UBA2: variants seen among roughly 807,000 people sequenced by gnomAD.
The protein encoded by UBA2 is SUMO-activating enzyme subunit 2.
In UBA2, 11 loss-of-function variants were observed where a neutral mutation model predicts 77.2. The ratio of observed to expected loss-of-function variants is 0.14; its 90% confidence interval spans 0.09 to 0.24. The LOEUF is 0.24. Ranked by LOEUF, UBA2 falls within the 10% of genes least tolerant of loss-of-function variation. The pLI, the probability that UBA2 is intolerant of heterozygous loss-of-function variation, is 1.00. For missense variants in UBA2, 487 were observed against 781.7 expected (o/e 0.62, Z 4.50); for synonymous variants, 278 against 276.7 (o/e 1.00, Z -0.05).
rs1176664885 is a variant in UBA2, at chr19:34,452,067, C to A, written c.958C>A (p.Arg320Ser). 1 of 1,610,862 alleles carries A rather than the reference C, an allele frequency of 6.2e-7. No individual in the cohort carries two copies. The highest frequency in any genetic ancestry group is 1.7e-5 in the Admixed American group (1 of 59,910). The change falls in exon 10 of 17, where the codon CGT (arginine) becomes AGT (serine). Residue 320 changes from arginine to serine, a missense_variant. Around this residue, in one of 9 missense-constraint regions of UBA2, gnomAD observed 300 missense variants for 454.3 expected, o/e 0.66. Coordinates refer to ENST00000246548, the MANE Select transcript of UBA2 (RefSeq NM_005499.3). ...QQVLDVKSYA[R>S]LFSKSIETLR... is the part of the protein sequence containing the mutation. The stretch of plus-strand genomic sequence containing the variant: ...GGTTCTAGATGTAAAGAGCTATGCA[C>A]GTCTTTTTTCAAAGAGCATCGAGAC...
At chr19:34,462,284 C>G (rs2075639984) in intron 14 of UBA2, among the ~76,000 whole-genome samples, 1 of 152,144 alleles carries the variant, frequency 6.6e-6, no homozygotes, top group Non-Finnish European at 1.5e-5. Flanking sequence ...TTTGCAAAGT[C>G]AGAACTTGGA....
chr19:34,457,124 T>A (rs183999753), intron 12 of UBA2, among the ~76,000 whole-genome samples: 8 of 137,984 alleles, frequency 5.8e-5, no homozygotes, highest in African/African-American at 2.2e-4. Context: ...AGATTGGAAG[T>A]TCGAGACTAG....
intron 8 of UBA2, among the ~76,000 whole-genome samples, chr19:34,449,149 A>G (rs1599912750): frequency 7.5e-6 from 1 of 132,944 alleles, no homozygotes; most frequent in African/African-American, 2.9e-5. Context: ...AGCTGACTGC[A>G]CTCTCCGCCT....
intron 12 of UBA2, among the ~76,000 whole-genome samples, chr19:34,456,644 A>G (rs1016692906): frequency 3.3e-5 from 5 of 151,116 alleles, no homozygotes; most frequent in Non-Finnish European, 7.4e-5. Flanking sequence ...TGCAACCTCC[A>G]CCTCCCAAGT....
intron 8 of UBA2, among the ~76,000 whole-genome samples, chr19:34,447,856 C>T (rs1271958917): frequency 6.6e-6 from 1 of 152,176 alleles, no homozygotes; most frequent in Non-Finnish European, 1.5e-5. Context: ...GAGCAGGTGA[C>T]ATTTAAGCCC....
At chr19:34,461,701 T>G (rs2075632869) in intron 14 of UBA2, among the ~76,000 whole-genome samples, 1 of 152,162 alleles carries the variant, frequency 6.6e-6, no homozygotes, top group African/African-American at 2.4e-5. Flanking sequence ...CAGGCATAGT[T>G]TTGGGTATTC....
At chr19:34,449,855 G>A (rs1473519239) in intron 8 of UBA2, among the ~76,000 whole-genome samples, 2 of 152,156 alleles carry the variant, frequency 1.3e-5, no homozygotes, top group East Asian at 3.9e-4. Flanking sequence ...GAGCTTGGAG[G>A]CATTGCTGAC....
intron 5 of UBA2, among the ~76,000 whole-genome samples, chr19:34,435,977 G>A (rs1568368599): frequency 2.0e-5 from 3 of 151,866 alleles, no homozygotes; most frequent in South Asian, 2.1e-4. Flanking sequence ...AAAAATCAGC[G>A]GGCGTGGTGG....
chr19:34,431,970 T>G, intron 3 of UBA2, 39 bp downstream of exon 3: 1 of 263,754 alleles, frequency 3.8e-6, no homozygotes. Flanking sequence ...TGTATAAGGG[T>G]TTTGTAAGCC....
chr19:34,430,467 C>T, intron 1 of UBA2, 109 bp from the exon 2 acceptor site: 2 of 662,472 alleles, frequency 3.0e-6, no homozygotes, highest in Admixed American at 5.5e-5. Context: ...ACGCTTTCTC[C>T]ACTAATGTAG....
intron 1 of UBA2, among the ~76,000 whole-genome samples, chr19:34,429,432 G>C (rs534126588): frequency 6.6e-6 from 1 of 152,280 alleles, no homozygotes; most frequent in African/African-American, 2.4e-5. Context: ...GGCCGACTGA[G>C]TCATTGTTTC....
chr19:34,463,567 G>C (rs935267653), intron 14 of UBA2, among the ~76,000 whole-genome samples: 2 of 104,346 alleles, frequency 1.9e-5, no homozygotes, highest in Non-Finnish European at 4.4e-5. Flanking sequence ...TCTCTGTCCA[G>C]ATTTTGGGAT....
rs561271100 is a variant in UBA2 at position 34,440,632 on chromosome 19, A to G, written c.581+1866A>G. Among the ~76,000 whole-genome samples, 32 of 152,238 alleles carry G rather than the reference A, an allele frequency of 2.1e-4. No individual in the cohort carries two copies. The South Asian group carries it at 6.4e-3, about 31-fold the overall frequency. On this transcript the variant is annotated intron_variant, in intron 6 of 16. Transcript: ENST00000246548. ...TAGATGCAAAAATCCTATGTAAAAT[A>G]TTAGCATATCCTGGGAATGGGCGCA...
At chr19:34,459,061 C>T (rs1037751768) in intron 13 of UBA2, 137 bp downstream of exon 13, 13 of 901,310 alleles carry the variant, frequency 1.4e-5, no homozygotes, top group Admixed American at 1.0e-4. Flanking sequence ...ATTTTGCCTT[C>T]TGGATTCCTG....
At chr19:34,436,978 A>G (rs978192911) in intron 5 of UBA2, among the ~76,000 whole-genome samples, 4 of 152,216 alleles carry the variant, frequency 2.6e-5, no homozygotes, top group Non-Finnish European at 5.9e-5. Context: ...TATGAGTCTC[A>G]TGACTGCTTG....
chr19:34,438,222 A>G (rs969210166), intron 5 of UBA2, among the ~76,000 whole-genome samples: 1 of 15,144 alleles, frequency 6.6e-5, no homozygotes, highest in African/African-American at 8.3e-5. Flanking sequence ...GTTTTGCTCA[A>G]AAAAAAAAAA....
Position 34,449,897 on chromosome 19 carries a change from TTGTACATTTATTTACAACTACATAA to T in UBA2, c.772-354_772-330del, listed in dbSNP as rs545852241. 2.0e-4 allele frequency among the ~76,000 whole-genome samples: 30 copies of T among 152,340 alleles called. 1 individual carries two copies. The East Asian group carries it at 5.2e-3, about 26-fold the overall frequency. On this transcript the variant is annotated intron_variant, in intron 8 of 16. Coordinates refer to ENST00000246548, the MANE Select transcript of UBA2 (RefSeq NM_005499.3). ...CCCTAGGCTCAGTGATTGTCTGTAG[TTGTACATTTATTTACAACTACATAA>T]TGTACATTTATTTGTATGATTGTGC...
intron 15 of UBA2, among the ~76,000 whole-genome samples, chr19:34,465,995 A>G (rs1220832721): frequency 6.6e-6 from 1 of 152,284 alleles, no homozygotes; most frequent in East Asian, 1.9e-4. Flanking sequence ...GGGGGGACCC[A>G]GAAATCATGT....
intron 6 of UBA2, among the ~76,000 whole-genome samples, chr19:34,440,464 T>C (rs1048433414): frequency 2.6e-5 from 4 of 152,190 alleles, no homozygotes; most frequent in Non-Finnish European, 5.9e-5. Flanking sequence ...TATTGTAATA[T>C]TAGCTAAACT....
Sources: allele counts gnomAD v4.1 joint callset (sites outside exome capture counted in the v4.1 genomes callset), GRCh38; gene constraint gnomAD v4.1.1; regional missense constraint gnomAD v4.1.1; transcripts MANE v1.5; gene names NCBI Gene and HGNC (gene_info 2026-07-23, HGNC 2026-07-21).